The following TRANK1 variants were observed in gnomAD, a reference collection of about 807,000 sequenced individuals.
TRANK1 encodes the protein tetratricopeptide repeat and ankyrin repeat containing 1, also known as TPR and ankyrin repeat-containing protein 1.
A neutral mutation model predicts 266.0 loss-of-function variants in TRANK1; 198 were observed. The observed-to-expected ratio is 0.74, with a 90% CI of 0.66 to 0.84. The LOEUF (loss-of-function observed/expected upper bound fraction) is 0.84. Ranked by LOEUF, TRANK1 falls within the 40% of genes least tolerant of loss-of-function variation. The probability of loss-of-function intolerance (pLI) is 0.00; values close to 1 mark genes in which losing one functional copy is unlikely to be tolerated. For synonymous variants in TRANK1, 1,396 were observed against 1,384.1 expected (o/e 1.01, Z -0.19); for missense variants, 3,326 against 3,634.6 (o/e 0.92, Z 2.18).
chr3:36,840,671 T>C (rs1461385821), intron 18 of TRANK1, among the ~76,000 whole-genome samples: 2 of 152,182 alleles, frequency 1.3e-5, no homozygotes, highest in Non-Finnish European at 2.9e-5. Context: ...TGCTCAGGCA[T>C]CACGTGAACA....
In TRANK1 at chr3:36,864,283, AT is replaced by A. The variant is rs749687421; in HGVS notation, c.1240+35del. The A allele has an allele frequency of 2.0e-6, 3 of 1,467,022 alleles. No individual in the cohort carries two copies. In the South Asian group the frequency reaches 4.1e-5, roughly 20 times the overall value. 90.9% of individuals were successfully genotyped at this position (1,467,022 alleles called of 1,614,324 possible). On this transcript the variant is annotated intron_variant, in intron 10 of 23. Transcript: ENST00000645898. Reference sequence around the variant, plus strand: ...AAAAGAATTTTAATGAACATAAATCATTTTTAACATCATTGAACGTTGTGGA... The same window carrying A: ...AAAAGAATTTTAATGAACATAAATCATTTTAACATCATTGAACGTTGTGGA...
At chr3:36,942,482 CAAAAA>C (rs565174922) in intron 1 of TRANK1, among the ~76,000 whole-genome samples, 35 of 79,948 alleles carry the variant, frequency 4.4e-4, no homozygotes, top group African/African-American at 1.4e-3. Context: ...TCTTCTTCCT[CAAAAA>C]AAAAAAAAAA....
chr3:36,856,535 C>T lies in TRANK1; in HGVS notation c.3187G>A (p.Asp1063Asn), dbSNP rs368262772. Reference sequence around the variant, plus strand: ...GGCTCCAGTGGCCTGGGATTGAGGTCGATCACCGCGTACTCAAGCTCACCC... The same window carrying T: ...GGCTCCAGTGGCCTGGGATTGAGGTTGATCACCGCGTACTCAAGCTCACCC... ...RVGELEYAVIDLNPRPLEPII... is the reference protein window; with the variant it reads ...RVGELEYAVINLNPRPLEPII... Residue 1063 changes from aspartate (D) to asparagine (N), a missense_variant, in exon 13 of 24, where the codon GAC (aspartate) becomes AAC (asparagine). Coordinates refer to ENST00000645898, the MANE Select transcript of TRANK1 (RefSeq NM_001329998.2). 7.4e-6 allele frequency: 12 copies of T among 1,613,854 alleles called. No individual in the cohort carries two copies. The highest frequency in any genetic ancestry group is 6.7e-5 in the East Asian group (3 of 44,890).
intron 22 of TRANK1, among the ~76,000 whole-genome samples, chr3:36,830,382 C>G (rs1488869515): frequency 6.6e-6 from 1 of 151,724 alleles, no homozygotes; most frequent in African/African-American, 2.4e-5. Context: ...TAAAGGCTCA[C>G]ACTGGGTATG....
chr3:36,884,377 G>A (rs1267922596), intron 8 of TRANK1, among the ~76,000 whole-genome samples: 1 of 152,142 alleles, frequency 6.6e-6, no homozygotes, highest in Non-Finnish European at 1.5e-5. Flanking sequence ...TCCAGGGCTG[G>A]GACAGGGACC....
Position 36,831,833 on chromosome 3 carries a change from G to A in TRANK1, c.7750C>T (p.Leu2584Phe). 1.2e-6 allele frequency: 2 copies of A among 1,614,034 alleles called. No homozygotes were observed. Among genetic ancestry groups the A allele is most frequent in the Non-Finnish European group, 1.7e-6 (2 of 1,179,906 alleles). The change falls in exon 22 of 24, where the codon CTC (leucine) becomes TTC (phenylalanine). Residue 2584 changes from leucine to phenylalanine, a missense_variant. Leu to Phe is a conservative substitution (Grantham distance 22, BLOSUM62 0). Coordinates refer to ENST00000645898, the MANE Select transcript of TRANK1 (RefSeq NM_001329998.2). The surrounding 1 kb of genome is among the most constrained non-coding windows in gnomAD (Gnocchi z 5.0). The stretch of plus-strand genomic sequence containing the variant: ...ATCTCCCGGAAGTGGCGATACAGGA[G>A]AGGCTTGCAGTATGGCTGCAGGATC... Reference protein sequence around the residue: ...EEILQPYCKPLLYRHFREIES... With the variant: ...EEILQPYCKPFLYRHFREIES...
chr3:36,908,521 A>T, intron 1 of TRANK1, 67 bp from the exon 2 acceptor site: 2 of 1,231,974 alleles, frequency 1.6e-6, no homozygotes, highest in South Asian at 8.3e-5. Context: ...TCCGGTCTGC[A>T]TTGCTGAAAT....
intron 1 of TRANK1, among the ~76,000 whole-genome samples, chr3:36,911,280 A>G (rs748736322): frequency 3.3e-5 from 5 of 152,234 alleles, no homozygotes; most frequent in Non-Finnish European, 5.9e-5. Flanking sequence ...AAATATGCCA[A>G]AATGTTAAAA....
At chr3:36,834,109 A>C (rs890123632) in intron 21 of TRANK1, among the ~76,000 whole-genome samples, 190 bp from the exon 22 acceptor site, 1 of 152,248 alleles carries the variant, frequency 6.6e-6, no homozygotes, top group Non-Finnish European at 1.5e-5. Context: ...GTATAATAAT[A>C]ATGAATAAAT....
At chr3:36,916,525 A>G (rs905379209) in intron 1 of TRANK1, among the ~76,000 whole-genome samples, 3 of 152,168 alleles carry the variant, frequency 2.0e-5, no homozygotes, top group Middle Eastern at 3.2e-3. Context: ...GTGCCACTGC[A>G]CTCCAGCCTG....
At chr3:36,913,087 G>C (rs996328502) in intron 1 of TRANK1, among the ~76,000 whole-genome samples, 1 of 149,158 alleles carries the variant, frequency 6.7e-6, no homozygotes, top group African/African-American at 2.5e-5. Flanking sequence ...TGTCACCCAG[G>C]CTGGAGTGCA....
At chr3:36,878,293 AC>A (rs2079419180) in intron 8 of TRANK1, among the ~76,000 whole-genome samples, 1 of 151,868 alleles carries the variant, frequency 6.6e-6, no homozygotes, top group South Asian at 2.1e-4. Flanking sequence ...CTCTTCTCCC[AC>A]CCCCAACTAT....
chr3:36,900,733 T>C (rs2079862403), intron 3 of TRANK1, among the ~76,000 whole-genome samples: 1 of 151,378 alleles, frequency 6.6e-6, no homozygotes, highest in Non-Finnish European at 1.5e-5. Context: ...TTTGTTTTCA[T>C]TAGCTGGGCA....
At chr3:36,880,864 A>G (rs912373437) in intron 8 of TRANK1, 5 of 148,242 alleles carry the variant, frequency 3.4e-5, no homozygotes, top group Non-Finnish European at 7.5e-5. Context: ...AGCATTAGGT[A>G]TATCACCTAA....
intron 9 of TRANK1, among the ~76,000 whole-genome samples, chr3:36,872,612 G>T (rs2079325615): frequency 6.6e-6 from 1 of 152,096 alleles, no homozygotes; most frequent in African/African-American, 2.4e-5. Flanking sequence ...ATTAAAAAAT[G>T]CAGCAATGGA....
rs773978688 is a variant in TRANK1, at chr3:36,855,669, T to C, written c.4053A>G (p.Lys1351=). ...YNPALIWKEI[K]SFLKGSFEAL... Reference sequence around the variant, plus strand: ...CCTCAAAAGAACCCTTTAGAAAAGATTTTATTTCTTTCCAAATCAGTGCAG... The same window carrying C: ...CCTCAAAAGAACCCTTTAGAAAAGACTTTATTTCTTTCCAAATCAGTGCAG... The change falls in exon 13 of 24, where the codon AAA becomes AAG. Residue 1351 remains lysine (K), a synonymous_variant. Transcript: ENST00000645898. 7.4e-6 allele frequency: 12 copies of C among 1,613,826 alleles called. No individual in the cohort carries two copies. The highest frequency in any genetic ancestry group is 9.3e-6 in the Non-Finnish European group (11 of 1,179,862).
chr3:36,908,215 TAAAG>T, intron 2 of TRANK1, 104 bp downstream of exon 2: 1 of 1,177,030 alleles, frequency 8.5e-7, no homozygotes, highest in Non-Finnish European at 1.1e-6. Context: ...AAGTGAGCAA[TAAAG>T]AAAACAGAAA....
At position 36,852,137 on chromosome 3, in the gene TRANK1, G is replaced by A. The variant is rs2078992591; in HGVS notation, c.4749+9C>T. On this transcript the variant is annotated intron_variant, in intron 14 of 23. Coordinates refer to ENST00000645898, the MANE Select transcript of TRANK1 (RefSeq NM_001329998.2). ...TTTATTTCAAAACATAAAATCCCAA[G>A]CAGCTCACCTGGTGGGCTCCAAATT... is the stretch of plus-strand genomic sequence containing the variant. The A allele has an allele frequency of 1.3e-6, 2 of 1,567,620 alleles. No homozygotes were observed. Among genetic ancestry groups the A allele is most frequent in the African/African-American group, 2.8e-5 (2 of 72,334 alleles).
intron 4 of TRANK1, 146 bp from the exon 5 acceptor site, chr3:36,895,904 C>T (rs909773607): frequency 1.8e-5 from 10 of 552,160 alleles, no homozygotes; most frequent in Admixed American, 3.5e-5. Context: ...AGTATGAAGT[C>T]CTTTATAATT....
Sources: allele counts gnomAD v4.1 joint callset (sites outside exome capture counted in the v4.1 genomes callset), GRCh38; gene constraint gnomAD v4.1.1; non-coding constraint Gnocchi (gnomAD v3.1); transcripts MANE v1.5; gene names NCBI Gene and HGNC (gene_info 2026-07-23, HGNC 2026-07-21).